The following DHCR7 variants were observed in gnomAD, a reference collection of about 807,000 sequenced individuals.
DHCR7 encodes the protein 7-dehydrocholesterol reductase, also known as 7-DHC reductase.
A neutral mutation model predicts 43.3 loss-of-function variants in DHCR7; 40 were observed. The observed-to-expected ratio is 0.92, with a 90% CI of 0.72 to 1.20. DHCR7 has a LOEUF of 1.20. DHCR7 is among the 50% of genes most tolerant of loss of function. The pLI is 0.00. For missense variants in DHCR7, 608 were observed against 644.6 expected (o/e 0.94, Z 0.62); for synonymous variants, 298 against 271.4 (o/e 1.10, Z -0.96).
In DHCR7 at chr11:71,444,223, G is replaced by T; in HGVS notation, c.99-8C>A. On this transcript the variant is annotated splice_polypyrimidine_tract_variant and splice_region_variant and intron_variant, in intron 3 of 8. Coordinates refer to ENST00000355527, the MANE Select transcript of DHCR7 (RefSeq NM_001360.3). ...GAAAACCAGTCCACCTCCCTGCGAG[G>T]ACGGATGCAGGCAGTCACACTGGGG... The T allele has an allele frequency of 6.4e-7, 1 of 1,569,714 alleles. No homozygotes were observed. The highest frequency in any genetic ancestry group is 8.6e-7 in the Non-Finnish European group (1 of 1,156,170).
At chr11:71,430,239 G>A (rs1463617457), downstream of DHCR7, among the ~76,000 whole-genome samples, 1 of 152,194 alleles carries the variant, frequency 6.6e-6, no homozygotes. Context: ...GATAATGCAG[G>A]GTTTTTCTTG....
intron 5 of DHCR7, among the ~76,000 whole-genome samples, chr11:71,441,957 AATGGTGGTCTCTGC>A (rs566534244): frequency 2.4e-4 from 37 of 152,194 alleles, no homozygotes; most frequent in East Asian, 3.9e-4. Flanking sequence ...AGCCCCGAGG[AATGGTGGTCTCTGC>A]ATGGTGGTCT....
At chr11:71,441,582 C>A in intron 5 of DHCR7, 142 bp from the exon 6 acceptor site, 1 of 733,404 alleles carries the variant, frequency 1.4e-6, no homozygotes, top group Non-Finnish European at 2.4e-6. Flanking sequence ...CCCCAGGAAC[C>A]ATCTCTGAGG....
At chr11:71,438,706 G>A in intron 7 of DHCR7, 173 bp downstream of exon 7, 2 of 708,120 alleles carry the variant, frequency 2.8e-6, no homozygotes, top group African/African-American at 1.7e-5. Context: ...AGGCACCCAA[G>A]GATGGCTTCC....
rs200659923 is a variant in DHCR7 at position 71,439,052 on chromosome 11, T to C, written c.658A>G (p.Met220Val). ...CGAGGGTTAAACTCGATGCCCATCA[T>C]GTAGTTGTAAAAGAAATTGCCTGTG... is the stretch of plus-strand genomic sequence containing the variant. ...KFTGNFFYNY[M>V]MGIEFNPRIG... Residue 220 changes from methionine (M) to valine (V), a missense_variant, in exon 7 of 9, where the codon ATG (methionine) becomes GTG (valine). Transcript: ENST00000355527. 2.5e-6 allele frequency: 4 copies of C among 1,614,064 alleles called. No individual in the cohort carries two copies. In the East Asian group the frequency reaches 6.7e-5, roughly 27 times the overall value.
At chr11:71,448,460 G>T (rs1591116276), upstream of DHCR7, 1 of 152,296 alleles carries the variant, frequency 6.6e-6, no homozygotes, top group Admixed American at 6.5e-5. Context: ...GACCCTGCAC[G>T]CCCGGCGGCT....
At chr11:71,441,866 C>T (rs1949351657) in intron 5 of DHCR7, among the ~76,000 whole-genome samples, 1 of 152,176 alleles carries the variant, frequency 6.6e-6, no homozygotes, top group South Asian at 2.1e-4. Context: ...CCAGTCTGCA[C>T]CCACGTGAGA....
chr11:71,444,193 C>G lies in DHCR7; in HGVS notation c.121G>C (p.Ala41Pro), dbSNP rs1949380389. Residue 41 changes from alanine to proline, a missense_variant, in exon 4 of 9, where the codon GCG (alanine) becomes CCG (proline). Physicochemically the swap from Ala to Pro is conservative, Grantham distance 27 (BLOSUM62 -1). Transcript: ENST00000355527. ...RAWEVDWFSL[A>P]SVIFLLLFAP... ...AACAGCAGTAGGAAGATGACGCTCG[C>G]CAGTGAAAACCAGTCCACCTCCCTG... 1 of 1,594,424 alleles carries G rather than the reference C, an allele frequency of 6.3e-7. No homozygotes were observed.
intron 8 of DHCR7, 43 bp downstream of exon 8, chr11:71,437,769 T>G (rs1227918940): frequency 6.2e-7 from 1 of 1,612,492 alleles, no homozygotes; most frequent in Non-Finnish European, 8.5e-7. Context: ...TTAGCATGTG[T>G]CTGCCAAATG....
intron 4 of DHCR7, among the ~76,000 whole-genome samples, 191 bp from the exon 5 acceptor site, chr11:71,442,544 G>T (rs1200101497): frequency 6.6e-6 from 1 of 152,160 alleles, no homozygotes; most frequent in Non-Finnish European, 1.5e-5. Flanking sequence ...AACCAGGGAA[G>T]GTGCCAAGGC....
At chr11:71,444,341 A>G in intron 3 of DHCR7, 126 bp from the exon 4 acceptor site, 1 of 789,706 alleles carries the variant, frequency 1.3e-6, no homozygotes, top group Admixed American at 2.1e-5. Context: ...AGAAGGCATT[A>G]GCTCCTAGCA....
chr11:71,431,503 C>T (rs1591105309), downstream of DHCR7, among the ~76,000 whole-genome samples: 1 of 152,184 alleles, frequency 6.6e-6, no homozygotes, highest in Non-Finnish European at 1.5e-5. Context: ...CTGCAGGCAA[C>T]GTGGTGAAAC....
Position 71,444,104 on chromosome 11 carries a change from G to T in DHCR7, c.210C>A (p.Gly70=). The T allele has an allele frequency of 6.2e-7, 1 of 1,612,924 alleles. No individual in the cohort carries two copies. The highest frequency in any genetic ancestry group is 8.5e-7 in the Non-Finnish European group (1 of 1,179,564). ...GTCCGGTGACGATGTCCACCACAGG[G>T]CCAGTCAGGGCGCAGCTGTACTGGT... ...ACDQYSCALT[G]PVVDIVTGHA... is the part of the protein sequence containing the mutation. The change falls in exon 4 of 9, where the codon GGC becomes GGA. Residue 70 remains glycine, a synonymous_variant. Coordinates refer to ENST00000355527, the MANE Select transcript of DHCR7 (RefSeq NM_001360.3).
rs180885292 is a variant in DHCR7, at chr11:71,434,959, C to T, written c.*416G>A. On this transcript the variant is annotated 3_prime_UTR_variant, in exon 9 of 9. Coordinates refer to ENST00000355527, the MANE Select transcript of DHCR7 (RefSeq NM_001360.3). ...AGGCAATACATGGATAACGCGCACG[C>T]CCCACTCCCACTTTTATTTAGCAAG... 1.2e-4 allele frequency: 47 copies of T among 386,922 alleles called. No homozygotes were observed. The highest frequency in any genetic ancestry group is 8.5e-4 in the African/African-American group (41 of 48,216). 24.0% of individuals were successfully genotyped at this position (386,922 alleles called of 1,614,324 possible). A position where few individuals can be genotyped will look rare whatever the true frequency, so the allele number is the denominator to read the frequency against.
intron 8 of DHCR7, 156 bp from the exon 9 acceptor site, chr11:71,435,995 T>A (rs1949276494): frequency 1.5e-6 from 1 of 667,618 alleles, no homozygotes; most frequent in African/African-American, 1.8e-5. Flanking sequence ...AGCACCAACC[T>A]TGAGGGCTGT....
downstream of DHCR7, among the ~76,000 whole-genome samples, chr11:71,433,837 C>T (rs2135938114): frequency 6.6e-6 from 1 of 152,342 alleles, no homozygotes; most frequent in South Asian, 2.1e-4. Context: ...GGTGTGTGTC[C>T]AGCACAGATG....
intron 6 of DHCR7, among the ~76,000 whole-genome samples, chr11:71,440,685 T>C (rs1218730056): frequency 1.1e-5 from 1 of 90,424 alleles, no homozygotes; most frequent in Non-Finnish European, 2.1e-5. Flanking sequence ...AATGGGTAGG[T>C]GGATGATGGG....
At position 71,441,682 on chromosome 11, in the gene DHCR7, G is replaced by A. The variant is rs775650866; in HGVS notation, c.413-242C>T. 2.6e-5 allele frequency among the ~76,000 whole-genome samples: 4 copies of A among 152,164 alleles called. No homozygotes were observed. The South Asian group carries it at 8.3e-4, about 32-fold the overall frequency. ...CTTTGGTTCTGCATCTCGTTAACTG[G>A]CCATAGGCTGAGTGACAGGTGTGCA... On this transcript the variant is annotated intron_variant, in intron 5 of 8. Coordinates refer to ENST00000355527, the MANE Select transcript of DHCR7 (RefSeq NM_001360.3).
chr11:71,442,864 G>C (rs1322365090), intron 4 of DHCR7, among the ~76,000 whole-genome samples: 3 of 152,178 alleles, frequency 2.0e-5, no homozygotes, highest in Non-Finnish European at 4.4e-5. Flanking sequence ...GGCATTTAGC[G>C]CATTTACATG....
Sources: allele counts gnomAD v4.1 joint callset (sites outside exome capture counted in the v4.1 genomes callset), GRCh38; gene constraint gnomAD v4.1.1; transcripts MANE v1.5; gene names NCBI Gene and HGNC (gene_info 2026-07-23, HGNC 2026-07-21).